The following NLRP6 variants were observed in gnomAD, a reference collection of about 807,000 sequenced individuals.
NLRP6 encodes NACHT, LRR and PYD domains-containing protein 6.
A neutral mutation model predicts 70.9 loss-of-function variants in NLRP6; 55 were observed. That is an observed-to-expected ratio of 0.78 (90% CI 0.62 to 0.97). The LOEUF (loss-of-function observed/expected upper bound fraction) is 0.97, where lower values mean the gene tolerates loss of function less well. Ranked by LOEUF, NLRP6 falls within the 50% of genes least tolerant of loss-of-function variation. The pLI is 0.00. For synonymous variants in NLRP6, 652 were observed against 581.9 expected (o/e 1.12, Z -1.73); for missense variants, 1,241 against 1,238.3 (o/e 1.00, Z -0.03).
Position 281,784 on chromosome 11 carries a change from GAGAAGA to G in NLRP6, c.2060_2065del (p.Lys687_Lys688del), listed in dbSNP as rs199476226. ...CAGCTGCAGATTGGTTGCTGCGCAG[GAGAAGA>G]AGAAGAAGAGCCTGGGGAAGCGGCT... On this transcript the variant is annotated inframe_deletion, in exon 4 of 8. Transcript: ENST00000534750. The G allele has an allele frequency of 3.7e-6, 6 of 1,604,270 alleles. No homozygotes were observed. The South Asian group carries it at 4.4e-5, about 12-fold the overall frequency.
rs555633365 is a variant in NLRP6 at position 285,077 on chromosome 11, G to A, written c.2538-89G>A. On this transcript the variant is annotated intron_variant, in intron 7 of 7. Transcript: ENST00000534750. ...CCCACGGCACTGCCCGTCACTGCCC[G>A]CGGCCCGGCTGCCCCCACGGCACTG... 2.0e-4 allele frequency: 235 copies of A among 1,196,914 alleles called. 1 individual carries two copies. Among genetic ancestry groups the A allele is most frequent in the Admixed American group, 5.2e-4 (25 of 48,074 alleles). 74.1% of individuals were successfully genotyped at this position (1,196,914 alleles called of 1,614,324 possible).
chr11:284,970 C>CTCTCAACTGACACCACCTG (rs1845537385), intron 7 of NLRP6, among the ~76,000 whole-genome samples, 196 bp from the exon 8 acceptor site: 2 of 152,178 alleles, frequency 1.3e-5, no homozygotes, highest in South Asian at 4.1e-4. Flanking sequence ...TCTGACAAAC[C>CTCTCAACTGACACCACCTG]TCTCAACTGA....
Position 281,051 on chromosome 11 carries a change from G to C in NLRP6, c.1317G>C (p.Gln439His). Residue 439 changes from glutamine to histidine, a missense_variant, in exon 4 of 8, where the codon CAG becomes CAC. Gln to His is a conservative substitution (Grantham distance 24, BLOSUM62 0). Coordinates refer to ENST00000534750, the MANE Select transcript of NLRP6 (RefSeq NM_001276700.2). Reference sequence around the variant, plus strand: ...CGGTAGCCGACGGGCCCCGGTTGCAGGGCGACCTGCGCAATCTGTGCCGCC... The same window carrying C: ...CGGTAGCCGACGGGCCCCGGTTGCACGGCGACCTGCGCAATCTGTGCCGCC... ...SAPVADGPRLQGDLRNLCRLA... is the reference protein window; with the variant it reads ...SAPVADGPRLHGDLRNLCRLA... 1.9e-6 allele frequency: 3 copies of C among 1,612,988 alleles called. No homozygotes were observed. The highest frequency in any genetic ancestry group is 2.5e-6 in the Non-Finnish European group (3 of 1,179,926).
intron 5 of NLRP6, among the ~76,000 whole-genome samples, chr11:283,517 G>T (rs1294884372): frequency 1.3e-5 from 2 of 151,938 alleles, no homozygotes; most frequent in African/African-American, 4.8e-5. Flanking sequence ...GTTTCACCGG[G>T]TTAGCCAGGA....
Position 278,605 on chromosome 11 carries a change from G to T in NLRP6, c.29+7G>T. On this transcript the variant is annotated splice_region_variant and intron_variant, in intron 1 of 7. Coordinates refer to ENST00000534750, the MANE Select transcript of NLRP6 (RefSeq NM_001276700.2). This position sits in a 1 kb window ranked among gnomAD's most constrained non-coding sequence, Gnocchi z 4.7. The stretch of plus-strand genomic sequence containing the variant: ...CAGAGGCCCCCTGCTCCAGGTGAGT[G>T]CTGGCCCCAGGGTGGTCACTGGGAA... 6.3e-7 allele frequency: 1 copy of T among 1,586,418 alleles called. No homozygotes were observed. The highest frequency in any genetic ancestry group is 8.6e-7 in the Non-Finnish European group (1 of 1,167,324).
At position 281,236 on chromosome 11, in the gene NLRP6, G is replaced by A. The variant is rs965569757; in HGVS notation, c.1502G>A (p.Ser501Asn). Residue 501 changes from serine to asparagine, a missense_variant, in exon 4 of 8, where the codon AGC becomes AAC. Coordinates refer to ENST00000534750, the MANE Select transcript of NLRP6 (RefSeq NM_001276700.2). ...TEVTYQFIDQSFQEFLAALSY... is the reference protein window; with the variant it reads ...TEVTYQFIDQNFQEFLAALSY... Reference sequence around the variant, plus strand: ...GTCACCTACCAGTTCATCGACCAGAGCTTCCAGGAGTTCCTCGCGGCACTG... The same window carrying A: ...GTCACCTACCAGTTCATCGACCAGAACTTCCAGGAGTTCCTCGCGGCACTG... 1.2e-6 allele frequency: 2 copies of A among 1,613,098 alleles called. No homozygotes were observed. Among genetic ancestry groups the A allele is most frequent in the Middle Eastern group, 1.6e-4 (1 of 6,084 alleles).
rs1210111687 is a variant in NLRP6, at chr11:280,691, G to C, written c.957G>C (p.Thr319=). The change falls in exon 4 of 8, where the codon ACG becomes ACC. Residue 319 remains threonine (T), a synonymous_variant. Transcript: ENST00000534750. ...GGLLSKALLP[T]ALLLVTTRAA... is the part of the protein sequence containing the mutation. ...TGCTGAGCAAGGCGCTGCTGCCCAC[G>C]GCCCTCCTGCTGGTGACCACGCGCG... is the stretch of plus-strand genomic sequence containing the variant. The C allele has an allele frequency of 1.3e-6, 2 of 1,565,064 alleles. No individual in the cohort carries two copies. The highest frequency in any genetic ancestry group is 1.7e-6 in the Non-Finnish European group (2 of 1,159,848).
chr11:281,203 A>T lies in NLRP6; in HGVS notation c.1469A>T (p.Glu490Val). 1.2e-6 allele frequency: 2 copies of T among 1,613,200 alleles called. No individual in the cohort carries two copies. The highest frequency in any genetic ancestry group is 2.2e-5 in the East Asian group (1 of 44,882). The change falls in exon 4 of 8, where the codon GAG (glutamate) becomes GTG (valine). Residue 490 changes from glutamate (E) to valine (V), a missense_variant. Transcript: ENST00000534750. ...LSKKELPGVL[E>V]TEVTYQFIDQ... ...AAAAAGGAGCTGCCGGGCGTGCTGG[A>T]GACAGAGGTCACCTACCAGTTCATC... is the stretch of plus-strand genomic sequence containing the variant.
At chr11:284,433 C>T (rs1167915626) in intron 6 of NLRP6, 33 bp downstream of exon 6, 3 of 1,600,694 alleles carry the variant, frequency 1.9e-6, no homozygotes, top group East Asian at 2.2e-5. Flanking sequence ...CCGTGGGATG[C>T]CCCCGCCACC....
At position 282,780 on chromosome 11, in the gene NLRP6, C is replaced by T; in HGVS notation, c.2181C>T (p.Cys727=). 6.8e-6 allele frequency: 11 copies of T among 1,613,122 alleles called. No homozygotes were observed. The highest frequency in any genetic ancestry group is 8.5e-6 in the Non-Finnish European group (10 of 1,179,120). The change falls in exon 5 of 8, where the codon TGC becomes TGT. Residue 727 remains cysteine (C), a synonymous_variant. Transcript: ENST00000534750. ...TTCAGGCAATGACTGACCCACTGTG[C>T]CATCTGAGCAGCCTCACGTGAGTGG... The part of the protein sequence containing the change: ...PLFQAMTDPL[C]HLSSLTLSHC...
At chr11:283,311 CT>C (rs34619806) in intron 5 of NLRP6, among the ~76,000 whole-genome samples, 2,780 of 115,386 alleles carry the variant, frequency 0.024, 19 homozygotes, top group South Asian at 0.075. Context: ...ATGTACAGTT[CT>C]TTTTTTTTTT....
chr11:278,677 C>A lies in NLRP6; in HGVS notation c.29+79C>A. The A allele has an allele frequency of 1.7e-6, 2 of 1,170,992 alleles. No homozygotes were observed. Among genetic ancestry groups the A allele is most frequent in the Non-Finnish European group, 2.4e-6 (2 of 828,512 alleles). 72.5% of individuals were successfully genotyped at this position (1,170,992 alleles called of 1,614,324 possible). ...GGGCCTCCACCTCACCCGCTGACTTCCTCAGGCTCTCCACCCTTGTCCACA... is the reference window on the plus strand; with the variant it reads ...GGGCCTCCACCTCACCCGCTGACTTACTCAGGCTCTCCACCCTTGTCCACA... On this transcript the variant is annotated intron_variant, in intron 1 of 7. Transcript: ENST00000534750. The surrounding 1 kb of genome is among the most constrained non-coding windows in gnomAD (Gnocchi z 4.7).
chr11:285,188 G>A lies in NLRP6; in HGVS notation c.2560G>A (p.Glu854Lys), dbSNP rs138624921. The A allele has an allele frequency of 4.0e-4, 638 of 1,592,940 alleles. 4 individuals carry two copies. The highest frequency in any genetic ancestry group is 2.6e-3 in the South Asian group (227 of 88,058). The change falls in exon 8 of 8, where the codon GAG becomes AAG. Residue 854 changes from glutamate to lysine, a missense_variant. Physicochemically the swap from Glu to Lys is moderately conservative, Grantham distance 56. Coordinates refer to ENST00000534750, the MANE Select transcript of NLRP6 (RefSeq NM_001276700.2). ...TLSLASVELS[E>K]QSLQELQAVK... ...CAGTCTGGCCTCTGTGGAGCTGAGCGAGCAGTCACTACAGGAGCTTCAGGC... is the reference window on the plus strand; with the variant it reads ...CAGTCTGGCCTCTGTGGAGCTGAGCAAGCAGTCACTACAGGAGCTTCAGGC...
rs774885098 is a variant in NLRP6 at position 281,297 on chromosome 11, C to T, written c.1563C>T (p.Thr521=). The T allele has an allele frequency of 1.9e-6, 3 of 1,609,040 alleles. No individual in the cohort carries two copies. The highest frequency in any genetic ancestry group is 2.2e-5 in the South Asian group (2 of 90,824). The change falls in exon 4 of 8, where the codon ACC becomes ACT. Residue 521 remains threonine (T), a synonymous_variant. Transcript: ENST00000534750. ...TGGAGGACGGCGGGGTGCCCAGGACCGCGGCTGGCGGCGTTGGGACACTCC... is the reference window on the plus strand; with the variant it reads ...TGGAGGACGGCGGGGTGCCCAGGACTGCGGCTGGCGGCGTTGGGACACTCC... ...YLLEDGGVPR[T]AAGGVGTLLR...
chr11:282,632 G>C, intron 4 of NLRP6, 73 bp from the exon 5 acceptor site: 2 of 1,189,664 alleles, frequency 1.7e-6, no homozygotes, highest in South Asian at 2.4e-5. Context: ...CAGGACTACA[G>C]ATAGACAGGA....
At position 279,445 on chromosome 11, in the gene NLRP6, A is replaced by G; in HGVS notation, c.148A>G (p.Ser50Gly). 1 of 1,395,702 alleles carries G rather than the reference A, an allele frequency of 7.2e-7. No homozygotes were observed. The highest frequency in any genetic ancestry group is 9.3e-7 in the Non-Finnish European group (1 of 1,077,602). 86.5% of individuals were successfully genotyped at this position (1,395,702 alleles called of 1,614,324 possible). A position where few individuals can be genotyped will look rare whatever the true frequency, so the allele number is the denominator to read the frequency against. Residue 50 changes from serine to glycine, a missense_variant, in exon 2 of 8, where the codon AGC becomes GGC. Coordinates refer to ENST00000534750, the MANE Select transcript of NLRP6 (RefSeq NM_001276700.2). ...KLRDVGPDGR[S>G]IPWGRLERAD... ...GCGCGACGTGGGCCCGGACGGACGC[A>G]GCATCCCGTGGGGGCGGCTGGAGCG...
At chr11:284,985 A>T (rs1014252084) in intron 7 of NLRP6, among the ~76,000 whole-genome samples, 181 bp from the exon 8 acceptor site, 52 of 148,352 alleles carry the variant, frequency 3.5e-4, no homozygotes, top group African/African-American at 1.2e-3. Flanking sequence ...AACTGACACC[A>T]CCTGTCCCTG....
At position 281,762 on chromosome 11, in the gene NLRP6, C is replaced by T; in HGVS notation, c.2028C>T (p.Ser676=). 6.2e-7 allele frequency: 1 copy of T among 1,610,604 alleles called. No individual in the cohort carries two copies. The highest frequency in any genetic ancestry group is 8.5e-7 in the Non-Finnish European group (1 of 1,179,410). The change falls in exon 4 of 8, where the codon AGC becomes AGT. Residue 676 remains serine (S), a synonymous_variant. Transcript: ENST00000534750. ...CTGGACAGGCACTGCGGCTGATCAG[C>T]TGCAGATTGGTTGCTGCGCAGGAGA... ...CPAGQALRLI[S]CRLVAAQEKK...
In NLRP6 at chr11:280,691, G is replaced by A. The variant is rs1210111687; in HGVS notation, c.957G>A (p.Thr319=). The A allele has an allele frequency of 1.3e-6, 2 of 1,565,062 alleles. No homozygotes were observed. The highest frequency in any genetic ancestry group is 2.4e-5 in the South Asian group (2 of 83,520). The change falls in exon 4 of 8, where the codon ACG becomes ACA. Residue 319 remains threonine, a synonymous_variant. Coordinates refer to ENST00000534750, the MANE Select transcript of NLRP6 (RefSeq NM_001276700.2). ...GGLLSKALLP[T]ALLLVTTRAA... is the part of the protein sequence containing the mutation. Reference sequence around the variant, plus strand: ...TGCTGAGCAAGGCGCTGCTGCCCACGGCCCTCCTGCTGGTGACCACGCGCG... The same window carrying A: ...TGCTGAGCAAGGCGCTGCTGCCCACAGCCCTCCTGCTGGTGACCACGCGCG...
Sources: allele counts gnomAD v4.1 joint callset (sites outside exome capture counted in the v4.1 genomes callset), GRCh38; gene constraint gnomAD v4.1.1; non-coding constraint Gnocchi (gnomAD v3.1); transcripts MANE v1.5; gene names NCBI Gene and HGNC (gene_info 2026-07-23, HGNC 2026-07-21).